Variants in SHC4 observed in about 807,000 individuals in gnomAD.
SHC4 encodes SHC-transforming protein 4.
Under a neutral mutation model 69.4 loss-of-function variants are expected in SHC4, and 41 were observed. The ratio of observed to expected loss-of-function variants is 0.59; its 90% confidence interval spans 0.46 to 0.77. The LOEUF (loss-of-function observed/expected upper bound fraction) is 0.77. Ranked by LOEUF, SHC4 falls within the 30% of genes least tolerant of loss-of-function variation. The pLI, the probability that SHC4 is intolerant of heterozygous loss-of-function variation, is 0.00. For synonymous variants in SHC4, 318 were observed against 299.3 expected (o/e 1.06, Z -0.64); for missense variants, 777 against 783.8 (o/e 0.99, Z 0.10).
chr15:48,906,637 G>A (rs925144257), intron 2 of SHC4, among the ~76,000 whole-genome samples: 1 of 152,140 alleles, frequency 6.6e-6, no homozygotes, highest in Non-Finnish European at 1.5e-5. Context: ...TTAGTATTTG[G>A]AACTAAGAGA....
chr15:48,889,393 G>T (rs1440975196), intron 3 of SHC4, among the ~76,000 whole-genome samples: 1 of 152,210 alleles, frequency 6.6e-6, no homozygotes, highest in Non-Finnish European at 1.5e-5. Context: ...GGGCAGAATG[G>T]TATAGAAATA....
chr15:48,878,830 T>C (rs1899883848), intron 4 of SHC4: 2 of 1,288,882 alleles, frequency 1.6e-6, no homozygotes, highest in African/African-American at 1.5e-5. Context: ...TTTTGTGCCA[T>C]TGAAAAACTT....
intron 8 of SHC4, among the ~76,000 whole-genome samples, chr15:48,854,186 A>G (rs1219707603): frequency 5.3e-5 from 8 of 152,254 alleles, no homozygotes; most frequent in Non-Finnish European, 7.3e-5. Context: ...TCAAAAGAAC[A>G]CATACAAGCA....
intron 2 of SHC4, among the ~76,000 whole-genome samples, 175 bp downstream of exon 2, chr15:48,924,704 T>C (rs1187074710): frequency 6.6e-6 from 1 of 152,210 alleles, no homozygotes; most frequent in Non-Finnish European, 1.5e-5. Context: ...TGAGAAATCT[T>C]TCACACGATG....
chr15:48,963,381 C>T lies in SHC4; in HGVS notation c.-366G>A. On this transcript the variant is annotated 5_prime_UTR_variant, in exon 1 of 12. Transcript: ENST00000332408. ...TCGGGGGGCCCGCTGCATCACTAGC[C>T]TTGCAGGAGCCTAGTAGAAATATTT... 1 of 252,800 alleles carries T rather than the reference C, an allele frequency of 4.0e-6. No homozygotes were observed. The highest frequency in any genetic ancestry group is 7.6e-6 in the Non-Finnish European group (1 of 131,864). 15.7% of individuals were successfully genotyped at this position (252,800 alleles called of 1,614,324 possible).
At chr15:48,865,471 T>A (rs1218851978) in intron 6 of SHC4, among the ~76,000 whole-genome samples, 2 of 152,186 alleles carry the variant, frequency 1.3e-5, no homozygotes, top group Non-Finnish European at 2.9e-5. Context: ...CATTTTCCTA[T>A]AGGAAAGAAA....
At chr15:48,868,357 T>G (rs575244681) in intron 5 of SHC4, among the ~76,000 whole-genome samples, 1 of 152,154 alleles carries the variant, frequency 6.6e-6, no homozygotes, top group South Asian at 2.1e-4. Flanking sequence ...CTTGCTTGTA[T>G]GCAGTGTAAG....
chr15:48,846,794 T>C (rs1899101755), intron 9 of SHC4, among the ~76,000 whole-genome samples: 1 of 152,212 alleles, frequency 6.6e-6, no homozygotes, highest in Non-Finnish European at 1.5e-5. Context: ...TTTGTTGGCA[T>C]ATTTAACCCC....
In SHC4 at chr15:48,962,708, C is replaced by G; in HGVS notation, c.308G>C (p.Ser103Thr). Residue 103 changes from serine (S) to threonine (T), a missense_variant, in exon 1 of 12, where the codon AGT becomes ACT. Physicochemically the swap from Ser to Thr is moderately conservative, Grantham distance 58. Coordinates refer to ENST00000332408, the MANE Select transcript of SHC4 (RefSeq NM_203349.4). Reference sequence around the variant, plus strand: ...GGTACCCAGGCAAAAGTTTTTCAGACTCAGCAAAGTGGCCGGGTTGGCCAG... The same window carrying G: ...GGTACCCAGGCAAAAGTTTTTCAGAGTCAGCAAAGTGGCCGGGTTGGCCAG... ...MKLANPATLLSLKNFCLGTKE... is the reference protein window; with the variant it reads ...MKLANPATLLTLKNFCLGTKE... The G allele has an allele frequency of 6.2e-7, 1 of 1,614,120 alleles. No individual in the cohort carries two copies. The highest frequency in any genetic ancestry group is 8.5e-7 in the Non-Finnish European group (1 of 1,180,036).
chr15:48,867,811 T>C lies in SHC4; in HGVS notation c.946+7A>G. On this transcript the variant is annotated splice_region_variant and intron_variant, in intron 6 of 11. Coordinates refer to ENST00000332408, the MANE Select transcript of SHC4 (RefSeq NM_203349.4). ...TCTTTAAAAAATCTGTAAGTTGCTT[T>C]CCATACCTCGTTGATTAACTGGATC... is the stretch of plus-strand genomic sequence containing the variant. 6.2e-7 allele frequency: 1 copy of C among 1,613,296 alleles called. No individual in the cohort carries two copies. Among genetic ancestry groups the C allele is most frequent in the East Asian group, 2.2e-5 (1 of 44,822 alleles).
intron 8 of SHC4, among the ~76,000 whole-genome samples, chr15:48,853,832 T>C (rs1899261397): frequency 1.3e-5 from 2 of 151,858 alleles, no homozygotes; most frequent in Non-Finnish European, 2.9e-5. Context: ...ATATACAAGA[T>C]AGATTAAATA....
chr15:48,935,864 A>C (rs1197543546), intron 1 of SHC4, among the ~76,000 whole-genome samples: 2 of 152,122 alleles, frequency 1.3e-5, no homozygotes, highest in Non-Finnish European at 2.9e-5. Flanking sequence ...CTTAGGAATA[A>C]TCTTATAGCA....
At position 48,878,629 on chromosome 15, in the gene SHC4, T is replaced by C. The variant is rs763235189; in HGVS notation, c.840+5619A>G. On this transcript the variant is annotated intron_variant, in intron 4 of 11. Coordinates refer to ENST00000332408, the MANE Select transcript of SHC4 (RefSeq NM_203349.4). ...TGGATGGCGGGTTTCAGATGCATTA[T>C]GAGAAGACCCCGTTTGATCAGTTAG... 3.7e-6 allele frequency: 6 copies of C among 1,614,092 alleles called. No homozygotes were observed. The South Asian group carries it at 6.6e-5, about 18-fold the overall frequency.
intron 10 of SHC4, among the ~76,000 whole-genome samples, chr15:48,838,872 T>C (rs2140970267): frequency 6.6e-6 from 1 of 152,036 alleles, no homozygotes; most frequent in East Asian, 1.9e-4. Flanking sequence ...ACATAATCTA[T>C]AAAGGTCAAG....
intron 3 of SHC4, among the ~76,000 whole-genome samples, chr15:48,889,813 C>T (rs1301266924): frequency 6.6e-6 from 1 of 152,214 alleles, no homozygotes; most frequent in Non-Finnish European, 1.5e-5. Context: ...CATTGCACTC[C>T]AACCTGGGCA....
At chr15:48,827,267 T>C (rs1195239630) in intron 11 of SHC4, among the ~76,000 whole-genome samples, 1 of 152,210 alleles carries the variant, frequency 6.6e-6, no homozygotes, top group African/African-American at 2.4e-5. Context: ...TTAATATAAT[T>C]TGAATATGGA....
chr15:48,861,145 T>C (rs138062875), intron 6 of SHC4, among the ~76,000 whole-genome samples: 55 of 152,356 alleles, frequency 3.6e-4, no homozygotes, highest in African/African-American at 1.3e-3. Flanking sequence ...TTATTTATTA[T>C]AGAGACAGGT....
At chr15:48,878,001 GA>G in intron 4 of SHC4, 2 of 691,040 alleles carry the variant, frequency 2.9e-6, no homozygotes, top group Non-Finnish European at 4.5e-6. Context: ...ACACCCCGGA[GA>G]AAACACTGAG....
intron 2 of SHC4, among the ~76,000 whole-genome samples, chr15:48,897,541 C>CT (rs200339110): frequency 3.9e-3 from 532 of 136,820 alleles, no homozygotes; most frequent in African/African-American, 0.011. Context: ...CACGCACACA[C>CT]TTTTTTTTTT....
Sources: gnomAD v4.1 joint callset for allele counts (sites outside exome capture counted in the v4.1 genomes callset) on GRCh38, gnomAD v4.1.1 for gene constraint, MANE v1.5 for transcripts, NCBI Gene and HGNC (gene_info 2026-07-23, HGNC 2026-07-21) for gene names.